Variants in TWSG1 observed in about 807,000 individuals in gnomAD.
TWSG1 encodes twisted gastrulation BMP signaling modulator 1, also known as twisted gastrulation protein homolog 1.
TWSG1 carries 15 observed loss-of-function variants against 23.0 expected under a neutral mutation model. The ratio of observed to expected loss-of-function variants is 0.65; its 90% CI spans 0.44 to 1.00. The LOEUF (loss-of-function observed/expected upper bound fraction) is 1.00, where lower values mean the gene tolerates loss of function less well. Among genes scored for constraint, TWSG1 ranks in the 50% least tolerant of loss-of-function variants. The pLI, the probability that TWSG1 is intolerant of heterozygous loss-of-function variation, is 0.00. For missense variants in TWSG1, 242 were observed against 278.7 expected, an observed-to-expected ratio of 0.87 and a Z score of 0.94; for synonymous variants, 86 against 92.8, an observed-to-expected ratio of 0.93 and a Z score of 0.42.
intron 3 of TWSG1, among the ~76,000 whole-genome samples, chr18:9,390,515 T>G (rs2040707713): frequency 6.6e-6 from 1 of 152,014 alleles, no homozygotes; most frequent in South Asian, 2.1e-4. Flanking sequence ...CCTAGACTGG[T>G]CTCAATTTCC....
At chr18:9,358,067 A>G (rs1172491043) in intron 2 of TWSG1, among the ~76,000 whole-genome samples, 2 of 152,218 alleles carry the variant, frequency 1.3e-5, no homozygotes, top group Admixed American at 1.3e-4. Context: ...GAATATATCA[A>G]TGAAGAATAT....
intron 3 of TWSG1, among the ~76,000 whole-genome samples, chr18:9,367,149 C>T (rs1309802936): frequency 6.6e-6 from 1 of 152,064 alleles, no homozygotes; most frequent in African/African-American, 2.4e-5. Context: ...CCAGACTGGT[C>T]TTGAATTCCT....
chr18:9,358,473 A>G (rs138948845), intron 2 of TWSG1, among the ~76,000 whole-genome samples: 23 of 152,302 alleles, frequency 1.5e-4, no homozygotes, highest in African/African-American at 5.3e-4. Flanking sequence ...AGAGCTGCAG[A>G]CAGACAGGGT....
intron 1 of TWSG1, among the ~76,000 whole-genome samples, chr18:9,335,877 A>G (rs1409724689): frequency 1.3e-5 from 2 of 152,112 alleles, no homozygotes; most frequent in Admixed American, 1.3e-4. Flanking sequence ...TAAACTCACT[A>G]TTTATCCCTC....
chr18:9,398,614 T>C (rs2040748786), intron 4 of TWSG1, among the ~76,000 whole-genome samples: 1 of 151,854 alleles, frequency 6.6e-6, no homozygotes, highest in South Asian at 2.1e-4. Flanking sequence ...CCCACCACCA[T>C]GCCCGGTTAA....
chr18:9,398,124 A>G (rs757069559), intron 4 of TWSG1, among the ~76,000 whole-genome samples: 64 of 152,020 alleles, frequency 4.2e-4, no homozygotes, highest in Non-Finnish European at 9.0e-4. Context: ...ATTCCCTTTT[A>G]GGTTAAAGTA....
intron 1 of TWSG1, among the ~76,000 whole-genome samples, chr18:9,335,324 C>T (rs1460153166): frequency 6.6e-6 from 1 of 152,250 alleles, no homozygotes; most frequent in Non-Finnish European, 1.5e-5. Context: ...CTGTCAGTGC[C>T]ATCTCCCTTA....
At chr18:9,376,110 T>A (rs7230171) in intron 3 of TWSG1, among the ~76,000 whole-genome samples, 37,451 of 151,942 alleles carry the variant, frequency 0.25, 4,773 homozygotes, top group East Asian at 0.29. Flanking sequence ...AGAGAAAGGG[T>A]TTCACCATGT....
intron 2 of TWSG1, among the ~76,000 whole-genome samples, chr18:9,354,699 A>AT (rs989349649): frequency 5.3e-5 from 8 of 152,170 alleles, no homozygotes; most frequent in Admixed American, 2.0e-4. Flanking sequence ...ATGTTGACAG[A>AT]TTTTTTATGA....
At chr18:9,375,832 A>T (rs922722217) in intron 3 of TWSG1, among the ~76,000 whole-genome samples, 2 of 152,208 alleles carry the variant, frequency 1.3e-5, no homozygotes, top group African/African-American at 2.4e-5. Flanking sequence ...GAAATCAAAG[A>T]ATTAAATAAA....
chr18:9,360,467 A>G (rs982940134), intron 3 of TWSG1, among the ~76,000 whole-genome samples: 3 of 152,206 alleles, frequency 2.0e-5, no homozygotes, highest in African/African-American at 2.4e-5. Context: ...ATAGAATGCT[A>G]TCATTTGTGT....
rs5823052 is a variant in TWSG1 at position 9,371,037 on chromosome 18, T to TAA, written c.223+10977_223+10978dup. On this transcript the variant is annotated intron_variant, in intron 3 of 4. Transcript: ENST00000262120. ...CAGTACCTTTATTCCAGATTAAACT[T>TAA]AAAAAAAAAAAACCCTTTTGTGTGA... Among the ~76,000 whole-genome samples, 612 of 146,030 alleles carry TAA rather than the reference T, an allele frequency of 4.2e-3. 1 individual carries two copies. The highest frequency in any genetic ancestry group is 6.4e-3 in the Admixed American group (93 of 14,600).
intron 2 of TWSG1, among the ~76,000 whole-genome samples, chr18:9,344,738 C>A (rs1386569412): frequency 6.6e-6 from 1 of 150,894 alleles, no homozygotes; most frequent in Non-Finnish European, 1.5e-5. Flanking sequence ...AAAACCAGTG[C>A]TCTTTTTTGT....
At chr18:9,367,132 G>A (rs970562701) in intron 3 of TWSG1, among the ~76,000 whole-genome samples, 2 of 152,012 alleles carry the variant, frequency 1.3e-5, no homozygotes, top group Non-Finnish European at 2.9e-5. Context: ...GGGTCTCAAT[G>A]TGTTATCCAG....
intron 2 of TWSG1, among the ~76,000 whole-genome samples, chr18:9,344,466 A>G (rs2040464817): frequency 7.0e-6 from 1 of 142,704 alleles, no homozygotes; most frequent in Non-Finnish European, 1.5e-5. Context: ...GATGTTGAGC[A>G]TCTTTTTATG....
At chr18:9,336,662 A>G (rs1412854767) in intron 1 of TWSG1, among the ~76,000 whole-genome samples, 1 of 152,176 alleles carries the variant, frequency 6.6e-6, no homozygotes, top group Non-Finnish European at 1.5e-5. Flanking sequence ...CAGTTGAATA[A>G]TGGACCTAAA....
chr18:9,396,414 T>G lies in TWSG1; in HGVS notation c.358T>G (p.Ser120Ala). The G allele has an allele frequency of 6.2e-7, 1 of 1,614,200 alleles. No homozygotes were observed. Among genetic ancestry groups the G allele is most frequent in the Non-Finnish European group, 8.5e-7 (1 of 1,180,034 alleles). ...TACTCAGTTGAATTGGAACATCGTT[T>G]CTTTCCCTGTTGCAGAAGAACTTTC... ...GDTQLNWNIVSFPVAEELSHH... is the reference protein window; with the variant it reads ...GDTQLNWNIVAFPVAEELSHH... Residue 120 changes from serine to alanine, a missense_variant, in exon 4 of 5, where the codon TCT (serine) becomes GCT (alanine). By Grantham distance (99) the Ser-to-Ala change is moderately conservative (BLOSUM62 1). Transcript: ENST00000262120.
intron 3 of TWSG1, among the ~76,000 whole-genome samples, chr18:9,390,039 A>T (rs972721024): frequency 1.3e-5 from 2 of 152,254 alleles, no homozygotes; most frequent in African/African-American, 2.4e-5. Flanking sequence ...GCAAAAAATC[A>T]TCTAAGCCTT....
chr18:9,373,209 A>G (rs1478578189), intron 3 of TWSG1, among the ~76,000 whole-genome samples: 1 of 152,198 alleles, frequency 6.6e-6, no homozygotes, highest in Non-Finnish European at 1.5e-5. Flanking sequence ...AAGAAATAAC[A>G]ATCTTTAATG....
Sources: gnomAD v4.1 joint callset for allele counts (sites outside exome capture counted in the v4.1 genomes callset) on GRCh38, gnomAD v4.1.1 for gene constraint, MANE v1.5 for transcripts, NCBI Gene and HGNC (gene_info 2026-07-23, HGNC 2026-07-21) for gene names.